MCFD2: variants seen among roughly 807,000 people sequenced by gnomAD.
The protein encoded by MCFD2 is multiple coagulation factor deficiency 2, ER cargo receptor complex subunit.
Under a neutral mutation model 12.8 loss-of-function variants are expected in MCFD2, and 11 were observed. The observed-to-expected ratio is 0.86, with a 90% confidence interval of 0.54 to 1.42. The LOEUF (loss-of-function observed/expected upper bound fraction) is 1.42. Ranked by LOEUF, MCFD2 falls within the 40% of genes most tolerant of loss-of-function variation. MCFD2 has a pLI of 0.00. For synonymous variants in MCFD2, 70 were observed against 68.1 expected, an observed-to-expected ratio of 1.03 and a Z score of -0.14; for missense variants, 191 against 178.6, an observed-to-expected ratio of 1.07 and a Z score of -0.40.
At chr2:46,918,665 T>C (rs1232273150), upstream of MCFD2, among the ~76,000 whole-genome samples, 1 of 152,230 alleles carries the variant, frequency 6.6e-6, no homozygotes, top group Admixed American at 6.5e-5. Context: ...TTGGTGACCC[T>C]TATAAGCCGT....
rs555336676 is a variant in MCFD2 at position 46,941,043 on chromosome 2, G to GGGCGGCGGC, written c.-8+520_-8+528dup. 1 of 151,346 alleles carries GGGCGGCGGC rather than the reference G, an allele frequency of 6.6e-6. No homozygotes were observed. The highest frequency in any genetic ancestry group is 1.5e-5 in the Non-Finnish European group (1 of 67,534). 9.4% of individuals were successfully genotyped at this position (151,346 alleles called of 1,614,324 possible). On this transcript the variant is annotated intron_variant, in intron 1 of 2. Coordinates refer to the MCFD2 transcript ENST00000409147. The surrounding 1 kb of genome is among the most constrained non-coding windows in gnomAD (Gnocchi z 4.2). ...AAAGTGAGCTCCGACTCCGCGGCGG[G>GGGCGGCGGC]GGCGGCGGCGGGGGGCGGGTACCCG...
At chr2:46,915,873 C>T, upstream of MCFD2, 2 of 983,542 alleles carry the variant, frequency 2.0e-6, no homozygotes, top group Non-Finnish European at 2.4e-6. Context: ...CCCATTGGCG[C>T]CGCCGGGCCC....
Position 46,915,737 on chromosome 2 carries a change from A to G in MCFD2, c.-21T>C. ...AGTTCACTCACCCTTACGGTCTCCG[A>G]AGCAGACGCGAAGCCCTCCAACGTG... On this transcript the variant is annotated 5_prime_UTR_variant, in exon 1 of 4. Coordinates refer to ENST00000319466, the MANE Select transcript of MCFD2 (RefSeq NM_139279.6). The G allele has an allele frequency of 4.1e-6, 4 of 979,704 alleles. No homozygotes were observed. The highest frequency in any genetic ancestry group is 4.8e-6 in the Non-Finnish European group (4 of 825,264). 60.7% of individuals were successfully genotyped at this position (979,704 alleles called of 1,614,324 possible).
Position 46,908,293 on chromosome 2 carries a change from C to T in MCFD2, c.150-324G>A. On this transcript the variant is annotated intron_variant, in intron 2 of 3. Transcript: ENST00000319466. This position sits in a 1 kb window ranked among gnomAD's most constrained non-coding sequence, Gnocchi z 4.5. ...TTTTTTTTTTTGAGACAGGGTCTCA[C>T]TCTGCCACCCAGGCTGGAGTGCAGG... 2.7e-6 allele frequency: 1 copy of T among 366,312 alleles called. No individual in the cohort carries two copies. The highest frequency in any genetic ancestry group is 5.2e-6 in the Non-Finnish European group (1 of 191,782). The allele number at this position is 366,312 out of a possible 1,614,324, so 22.7% of individuals were successfully genotyped here. A position where few individuals can be genotyped will look rare whatever the true frequency, so the allele number is the denominator to read the frequency against.
upstream of MCFD2, chr2:46,916,251 C>A: frequency 1.2e-6 from 1 of 838,912 alleles, no homozygotes; most frequent in African/African-American, 1.8e-5. Context: ...CTTGATGAAA[C>A]GACCACAACA....
At chr2:46,939,755 GCT>G (rs1211252742) in intron 1 of MCFD2, among the ~76,000 whole-genome samples, 2 of 152,162 alleles carry the variant, frequency 1.3e-5, no homozygotes, top group Non-Finnish European at 2.9e-5. Context: ...TAATCCAACC[GCT>G]CTCTCCAAGT....
chr2:46,925,905 T>A lies in MCFD2; in HGVS notation c.-8+15667A>T, dbSNP rs552189682. Among the ~76,000 whole-genome samples the A allele has an allele frequency of 3.9e-5, 6 of 152,354 alleles. No homozygotes were observed. The East Asian group carries it at 1.2e-3, about 29-fold the overall frequency. On this transcript the variant is annotated intron_variant, in intron 1 of 2. Transcript: ENST00000409147. The stretch of plus-strand genomic sequence containing the variant: ...TAAAAACCATTCTGCCTTGAGTTCT[T>A]AGATACACTACAACAGTGCCACCCA...
chr2:46,905,578 G>A lies in MCFD2; in HGVS notation c.326C>T (p.Ala109Val). 6.2e-7 allele frequency: 1 copy of A among 1,613,242 alleles called. No individual in the cohort carries two copies. Among genetic ancestry groups the A allele is most frequent in the East Asian group, 2.2e-5 (1 of 44,830 alleles). Residue 109 changes from alanine (A) to valine (V), a missense_variant, in exon 4 of 4, where the codon GCA (alanine) becomes GTA (valine). Coordinates refer to ENST00000319466, the MANE Select transcript of MCFD2 (RefSeq NM_139279.6). ...HVHKEEGSEQ[A>V]PLMSEDELIN... ...CAGTTCATCTTCACTCATTAGTGGT[G>A]CCTGTTCACTCCCTTCCTACAAAAT...
chr2:46,916,037 G>A, upstream of MCFD2: 1 of 985,418 alleles, frequency 1.0e-6, no homozygotes. Flanking sequence ...GGACGCCCTA[G>A]GGGCCCGGCA....
intron 1 of MCFD2, among the ~76,000 whole-genome samples, chr2:46,935,687 C>T (rs12990116): frequency 0.048 from 7,344 of 152,290 alleles, 204 homozygotes; most frequent in Middle Eastern, 0.089. Flanking sequence ...ACCCCTGACT[C>T]GGAAACAGGG....
chr2:46,919,920 G>T (rs1247173806), upstream of MCFD2, among the ~76,000 whole-genome samples: 1 of 152,228 alleles, frequency 6.6e-6, no homozygotes, highest in African/African-American at 2.4e-5. Flanking sequence ...TGTCAGCTGG[G>T]ATGGGGCTTT....
chr2:46,928,482 AAAAC>A (rs1340843780), intron 1 of MCFD2, among the ~76,000 whole-genome samples: 2 of 146,602 alleles, frequency 1.4e-5, no homozygotes, highest in African/African-American at 5.2e-5. Context: ...AAAAAAAAAA[AAAAC>A]TTGGGCCATG....
chr2:46,905,638 GGAA>G (rs776846292), intron 3 of MCFD2, 44 bp from the exon 4 acceptor site: 2 of 1,588,942 alleles, frequency 1.3e-6, no homozygotes, highest in African/African-American at 2.7e-5. Context: ...GCATTTTACC[GGAA>G]GAAGTGCTTA....
rs918187879 is a variant in MCFD2, at chr2:46,940,453, G to A, written c.-8+1119C>T. ...CCAAGGGTGGACCTCGGCTGCCCCC[G>A]CTAGGCCCCGCCCCGTAGTCCTGTG... On this transcript the variant is annotated intron_variant, in intron 1 of 2. Coordinates refer to the MCFD2 transcript ENST00000409147. The surrounding 1 kb of genome is among the most constrained non-coding windows in gnomAD (Gnocchi z 4.7). Among the ~76,000 whole-genome samples the A allele has an allele frequency of 1.3e-5, 2 of 152,152 alleles. No homozygotes were observed. The highest frequency in any genetic ancestry group is 2.9e-5 in the Non-Finnish European group (2 of 68,030).
chr2:46,924,051 A>G (rs996271962), intron 1 of MCFD2, among the ~76,000 whole-genome samples: 1 of 151,854 alleles, frequency 6.6e-6, no homozygotes, highest in South Asian at 2.1e-4. Flanking sequence ...AAAATTTTTT[A>G]AAAAATAGCC....
At chr2:46,909,323 G>A (rs1288320437) in intron 1 of MCFD2, 146 bp from the exon 2 acceptor site, 2 of 959,846 alleles carry the variant, frequency 2.1e-6, no homozygotes, top group African/African-American at 1.6e-5. Context: ...TGCCAGCTCT[G>A]CTTTGAGACT....
upstream of MCFD2, among the ~76,000 whole-genome samples, chr2:46,916,854 C>CT (rs1188478189): frequency 1.3e-5 from 2 of 151,918 alleles, no homozygotes; most frequent in African/African-American, 4.8e-5. Context: ...AGGCTGGTCT[C>CT]TAACTGCTGA....
Position 46,910,255 on chromosome 2 carries a change from T to G in MCFD2, c.-6-1078A>C, listed in dbSNP as rs561606703. Among the ~76,000 whole-genome samples, 8 of 152,276 alleles carry G rather than the reference T, an allele frequency of 5.3e-5. No individual in the cohort carries two copies. The East Asian group carries it at 1.5e-3, about 29-fold the overall frequency. ...TTACCCGCCAAGGGTCAGGCAGGCCTTTAATAATTGTTGATTCAATGGAAA... is the reference window on the plus strand; with the variant it reads ...TTACCCGCCAAGGGTCAGGCAGGCCGTTAATAATTGTTGATTCAATGGAAA... On this transcript the variant is annotated intron_variant, in intron 1 of 3. Coordinates refer to ENST00000319466, the MANE Select transcript of MCFD2 (RefSeq NM_139279.6).
Position 46,909,103 on chromosome 2 carries a change from G to A in MCFD2, c.69C>T (p.Gly23=), listed in dbSNP as rs771343475. 1.3e-4 allele frequency: 203 copies of A among 1,614,202 alleles called. 1 individual carries two copies. The South Asian group carries it at 1.4e-3, about 11-fold the overall frequency. ...TGGCTGCAGGCTCCTCAGCCCTGGC[G>A]CCTGGGGCACAAAAGGCCCAGAGCA... ...CGLLWAFCAP[G]ARAEEPAASF... Residue 23 remains glycine (G), a synonymous_variant, in exon 2 of 4, where the codon GGC becomes GGT. Transcript: ENST00000319466.
Sources: gnomAD v4.1 joint callset for allele counts (sites outside exome capture counted in the v4.1 genomes callset) on GRCh38, gnomAD v4.1.1 for gene constraint, Gnocchi (gnomAD v3.1) non-coding constraint, MANE v1.5 for transcripts, NCBI Gene and HGNC (gene_info 2026-07-23, HGNC 2026-07-21) for gene names.